Variants in COMMD10 observed in about 807,000 individuals in gnomAD.
The protein encoded by COMMD10 is COMM domain-containing protein 10.
A neutral mutation model predicts 28.9 loss-of-function variants in COMMD10; 33 were observed. The ratio of observed to expected loss-of-function variants is 1.14; its 90% CI spans 0.87 to 1.53. The LOEUF is 1.53. Among genes scored for constraint, COMMD10 ranks in the 40% most tolerant of loss-of-function variants. COMMD10 has a pLI of 0.00. For synonymous variants in COMMD10, 110 were observed against 81.7 expected (o/e 1.35, Z -1.87); for missense variants, 310 against 233.4 (o/e 1.33, Z -2.14).
At chr5:116,155,454 G>A (rs1186908093) in intron 5 of COMMD10, among the ~76,000 whole-genome samples, 3 of 151,956 alleles carry the variant, frequency 2.0e-5, no homozygotes, top group East Asian at 3.9e-4. Context: ...TAGCATCAGA[G>A]GCTGTTAGGG....
chr5:116,244,444 C>T (rs1266144556), intron 5 of COMMD10, among the ~76,000 whole-genome samples: 1 of 151,544 alleles, frequency 6.6e-6, no homozygotes, highest in Non-Finnish European at 1.5e-5. Context: ...GGTTATAATG[C>T]AAAGAAGCCA....
At chr5:116,152,238 G>C (rs964884737) in intron 5 of COMMD10, among the ~76,000 whole-genome samples, 5 of 151,898 alleles carry the variant, frequency 3.3e-5, no homozygotes, top group African/African-American at 1.2e-4. Context: ...GTTATAATTT[G>C]TGTTCTTTTA....
chr5:116,130,860 ACAT>A (rs1256603580), intron 4 of COMMD10, among the ~76,000 whole-genome samples: 3 of 152,040 alleles, frequency 2.0e-5, no homozygotes, highest in Non-Finnish European at 4.4e-5. Flanking sequence ...TCTAAAATGA[ACAT>A]AATAAGTATA....
At chr5:116,152,573 T>G (rs1752567980) in intron 5 of COMMD10, among the ~76,000 whole-genome samples, 1 of 130,348 alleles carries the variant, frequency 7.7e-6, no homozygotes. Context: ...CATAGAGTAA[T>G]CATTATTTTT....
chr5:116,145,364 T>G (rs1238726726), intron 5 of COMMD10, among the ~76,000 whole-genome samples: 1 of 151,644 alleles, frequency 6.6e-6, no homozygotes, highest in Admixed American at 6.6e-5. Context: ...ACATGTGGAG[T>G]AGGTGGATAA....
intron 5 of COMMD10, among the ~76,000 whole-genome samples, chr5:116,151,247 TGGATTTGGTTTGCCAGTATTTTATTGA>T (rs1752516538): frequency 6.6e-6 from 1 of 151,852 alleles, no homozygotes; most frequent in African/African-American, 2.4e-5. Flanking sequence ...GATGTGCTGC[TGGATTTGGTTTGCCAGTATTTTATTGA>T]GGATTTTTGC....
At chr5:116,164,606 C>G (rs1166814222) in intron 5 of COMMD10, among the ~76,000 whole-genome samples, 1 of 152,016 alleles carries the variant, frequency 6.6e-6, no homozygotes, top group Non-Finnish European at 1.5e-5. Context: ...TTTTTAAAAC[C>G]CTAATTATAA....
chr5:116,282,177 T>C (rs1005843321), intron 5 of COMMD10, among the ~76,000 whole-genome samples: 1 of 151,908 alleles, frequency 6.6e-6, no homozygotes, highest in Non-Finnish European at 1.5e-5. Context: ...GCCAGAAACC[T>C]GAGAGTCATT....
At position 116,085,032 on chromosome 5, in the gene COMMD10, G is replaced by C; in HGVS notation, c.-21G>C. 6.2e-7 allele frequency: 1 copy of C among 1,603,414 alleles called. No homozygotes were observed. Among genetic ancestry groups the C allele is most frequent in the Non-Finnish European group, 8.5e-7 (1 of 1,176,846 alleles). On this transcript the variant is annotated 5_prime_UTR_variant, in exon 1 of 7. Coordinates refer to ENST00000274458, the MANE Select transcript of COMMD10 (RefSeq NM_016144.4). ...GGGTTCGGCGCAGCTAACAGACGGC[G>C]GCAGTGCGAGAAAGCCGAAGATGGC...
At chr5:116,155,385 A>G (rs1348564833) in intron 5 of COMMD10, among the ~76,000 whole-genome samples, 9 of 152,230 alleles carry the variant, frequency 5.9e-5, no homozygotes, top group Non-Finnish European at 1.3e-4. Flanking sequence ...CTTTGAATTT[A>G]AAAACGCTAC....
intron 5 of COMMD10, among the ~76,000 whole-genome samples, chr5:116,278,184 A>T (rs1466888754): frequency 6.6e-6 from 1 of 151,850 alleles, no homozygotes; most frequent in Non-Finnish European, 1.5e-5. Context: ...CATTACCTAT[A>T]GTATTGAGTA....
At chr5:116,169,139 GAC>G (rs1292920495) in intron 5 of COMMD10, among the ~76,000 whole-genome samples, 2 of 152,014 alleles carry the variant, frequency 1.3e-5, no homozygotes, top group Non-Finnish European at 2.9e-5. Flanking sequence ...GAATTAAATA[GAC>G]ACAATAAAAA....
rs937327235 is a variant in COMMD10, at chr5:116,175,698, G to A, written c.510+41520G>A. ...ACGGGATATTATTCGGTCATAAAAAGGAATGAAATTCTGCCATACGTTGCA... is the reference window on the plus strand; with the variant it reads ...ACGGGATATTATTCGGTCATAAAAAAGAATGAAATTCTGCCATACGTTGCA... On this transcript the variant is annotated intron_variant, in intron 5 of 6. Transcript: ENST00000274458. Among the ~76,000 whole-genome samples the A allele has an allele frequency of 2.6e-5, 4 of 152,058 alleles. No individual in the cohort carries two copies. The South Asian group carries it at 8.3e-4, about 32-fold the overall frequency.
chr5:116,155,008 GTTTCT>G (rs1432715634), intron 5 of COMMD10, among the ~76,000 whole-genome samples: 1 of 151,992 alleles, frequency 6.6e-6, no homozygotes, highest in East Asian at 1.9e-4. Flanking sequence ...AACTGTTGCT[GTTTCT>G]TTAGTTAAGC....
chr5:116,200,347 C>A (rs183103433), intron 5 of COMMD10, among the ~76,000 whole-genome samples: 83 of 152,098 alleles, frequency 5.5e-4, no homozygotes, highest in South Asian at 3.9e-3. Flanking sequence ...TGGCATCTTT[C>A]AGGATTTGTC....
intron 5 of COMMD10, among the ~76,000 whole-genome samples, chr5:116,221,394 A>G (rs1202341331): frequency 6.6e-6 from 1 of 152,160 alleles, no homozygotes; most frequent in East Asian, 1.9e-4. Flanking sequence ...CTGTGTTACA[A>G]ACCCTGCTAT....
chr5:116,131,654 A>G (rs770116582), intron 4 of COMMD10, among the ~76,000 whole-genome samples: 1 of 151,974 alleles, frequency 6.6e-6, no homozygotes, highest in Non-Finnish European at 1.5e-5. Context: ...GGTCACAAGG[A>G]TATAAAGGTG....
At chr5:116,134,925 A>AT (rs148751545) in intron 5 of COMMD10, among the ~76,000 whole-genome samples, 11,111 of 151,990 alleles carry the variant, frequency 0.073, 473 homozygotes, top group Admixed American at 0.13. Context: ...CCGGCCTACA[A>AT]TTTTTTTTAT....
intron 5 of COMMD10, among the ~76,000 whole-genome samples, chr5:116,215,094 T>G (rs1749062428): frequency 6.6e-6 from 1 of 152,058 alleles, no homozygotes; most frequent in African/African-American, 2.4e-5. Flanking sequence ...TTGGTTTAGT[T>G]TCTTTTGAGA....
Sources: gnomAD v4.1 joint callset for allele counts (sites outside exome capture counted in the v4.1 genomes callset) on GRCh38, gnomAD v4.1.1 for gene constraint, MANE v1.5 for transcripts, NCBI Gene and HGNC (gene_info 2026-07-23, HGNC 2026-07-21) for gene names.